PRKCA: variants seen among roughly 807,000 people sequenced by gnomAD.
PRKCA encodes the protein protein kinase C alpha, also known as protein kinase C alpha type.
PRKCA carries 27 observed loss-of-function variants against 87.0 expected under a neutral mutation model. That is an observed-to-expected ratio of 0.31 (90% confidence interval 0.23 to 0.43). The LOEUF (loss-of-function observed/expected upper bound fraction) is 0.43, where lower values mean the gene tolerates loss of function less well. Ranked by LOEUF, PRKCA falls within the 20% of genes least tolerant of loss-of-function variation. The pLI is 1.00. For synonymous variants in PRKCA, 329 were observed against 311.1 expected, an observed-to-expected ratio of 1.06 and a Z score of -0.61; for missense variants, 518 against 852.3, an observed-to-expected ratio of 0.61 and a Z score of 4.88.
At chr17:66,729,374 A>T (rs969127890) in intron 8 of PRKCA, among the ~76,000 whole-genome samples, 1 of 152,224 alleles carries the variant, frequency 6.6e-6, no homozygotes, top group South Asian at 2.1e-4. Flanking sequence ...ACTGCACTCC[A>T]GCCTGGGTGA....
chr17:66,355,165 T>A (rs562820611), intron 2 of PRKCA, among the ~76,000 whole-genome samples: 1 of 150,862 alleles, frequency 6.6e-6, no homozygotes, highest in East Asian at 1.9e-4. Context: ...ATTGAACACA[T>A]TTTTTTTTCT....
intron 5 of PRKCA, among the ~76,000 whole-genome samples, chr17:66,661,518 A>T (rs184431276): frequency 6.6e-6 from 1 of 152,300 alleles, no homozygotes; most frequent in African/African-American, 2.4e-5. Context: ...ACAGTGGCTG[A>T]GCTTATGTCC....
At chr17:66,535,553 G>A (rs1314667137) in intron 3 of PRKCA, among the ~76,000 whole-genome samples, 9 of 152,166 alleles carry the variant, frequency 5.9e-5, no homozygotes, top group Admixed American at 5.9e-4. Context: ...TGCTGGCCCA[G>A]CTTCCTTGGG....
At chr17:66,319,329 A>G (rs1905512810) in intron 2 of PRKCA, among the ~76,000 whole-genome samples, 1 of 152,234 alleles carries the variant, frequency 6.6e-6, no homozygotes, top group Non-Finnish European at 1.5e-5. Flanking sequence ...TGGAAAATAG[A>G]AAGCATTTGT....
intron 2 of PRKCA, 131 bp downstream of exon 2, chr17:66,306,258 T>C: frequency 1.0e-6 from 1 of 971,394 alleles, no homozygotes; most frequent in Non-Finnish European, 1.5e-6. Flanking sequence ...ATATGAGGGC[T>C]GTAAATTTGG....
chr17:66,360,921 A>T (rs1456457377), intron 2 of PRKCA, among the ~76,000 whole-genome samples: 1 of 152,060 alleles, frequency 6.6e-6, no homozygotes, highest in Non-Finnish European at 1.5e-5. Flanking sequence ...GGTTGAAGGA[A>T]TTTAAGAGTA....
intron 8 of PRKCA, among the ~76,000 whole-genome samples, chr17:66,714,287 T>G (rs1198600452): frequency 6.6e-6 from 1 of 151,104 alleles, no homozygotes; most frequent in Non-Finnish European, 1.5e-5. Flanking sequence ...CTGCCAGGCC[T>G]CATGCATGGG....
chr17:66,707,700 C>T (rs890863987), intron 8 of PRKCA, among the ~76,000 whole-genome samples: 2 of 152,172 alleles, frequency 1.3e-5, no homozygotes, highest in African/African-American at 4.8e-5. Flanking sequence ...CTCTTGGGAA[C>T]ATTGTGGAGT....
chr17:66,637,127 A>G (rs1179706836), intron 3 of PRKCA, among the ~76,000 whole-genome samples: 1 of 152,132 alleles, frequency 6.6e-6, no homozygotes. Flanking sequence ...AAGGTGCCAT[A>G]TGGCTGTTGC....
intron 5 of PRKCA, among the ~76,000 whole-genome samples, chr17:66,663,465 T>G (rs1279269933): frequency 6.6e-6 from 1 of 152,130 alleles, no homozygotes; most frequent in Non-Finnish European, 1.5e-5. Context: ...GAAGAGGAAA[T>G]AATCAGACCG....
intron 2 of PRKCA, among the ~76,000 whole-genome samples, chr17:66,314,624 G>A (rs190250517): frequency 2.0e-5 from 3 of 152,240 alleles, no homozygotes; most frequent in East Asian, 1.9e-4. Context: ...TCCCGTCCAC[G>A]GTGACTGCAG....
intron 2 of PRKCA, among the ~76,000 whole-genome samples, chr17:66,388,356 G>A (rs890051700): frequency 2.6e-5 from 4 of 151,500 alleles, no homozygotes; most frequent in African/African-American, 7.3e-5. Context: ...GTGTAATGGC[G>A]CCATCTCAGC....
chr17:66,754,197 T>C (rs1488419228), intron 13 of PRKCA, among the ~76,000 whole-genome samples: 2 of 152,012 alleles, frequency 1.3e-5, no homozygotes, highest in South Asian at 2.1e-4. Context: ...TATATTCATA[T>C]CTTTTTTCAT....
At chr17:66,629,863 C>T (rs1386570203) in intron 3 of PRKCA, among the ~76,000 whole-genome samples, 1 of 152,096 alleles carries the variant, frequency 6.6e-6, no homozygotes. Flanking sequence ...ACATACCCTC[C>T]TATACAATAA....
rs373599782 is a variant in PRKCA, at chr17:66,336,862, T to C, written c.205+30735T>C. Among the ~76,000 whole-genome samples the C allele has an allele frequency of 5.1e-3, 763 of 150,900 alleles. 5 individuals carry two copies. The highest frequency in any genetic ancestry group is 0.024 in the South Asian group (116 of 4,742). ...GGAGTGCAGTGGCGTGATCTCGGCT[T>C]ACTGCAACCTCTGCCTCCTGGGCTC... On this transcript the variant is annotated intron_variant, in intron 2 of 16. Coordinates refer to ENST00000413366, the MANE Select transcript of PRKCA (RefSeq NM_002737.3).
chr17:66,415,473 G>T (rs1359707485), intron 2 of PRKCA: 1 of 152,054 alleles, frequency 6.6e-6, no homozygotes. Context: ...TTAACTTTTG[G>T]CCCAAAGGTA....
chr17:66,740,256 G>A (rs1188840577), intron 11 of PRKCA, among the ~76,000 whole-genome samples: 1 of 152,082 alleles, frequency 6.6e-6, no homozygotes, highest in Non-Finnish European at 1.5e-5. Flanking sequence ...GGCTCCAGGT[G>A]AAGATGAGAG....
chr17:66,464,643 T>C (rs750169644), intron 2 of PRKCA, among the ~76,000 whole-genome samples: 2 of 152,364 alleles, frequency 1.3e-5, no homozygotes, highest in Non-Finnish European at 2.9e-5. Context: ...TCTTTTCACA[T>C]GCATATTTGC....
At chr17:66,625,441 A>G (rs1950803568) in intron 3 of PRKCA, among the ~76,000 whole-genome samples, 1 of 152,210 alleles carries the variant, frequency 6.6e-6, no homozygotes, top group South Asian at 2.1e-4. Context: ...TCTTGATGTC[A>G]TTCTATTCCC....
Sources: gnomAD v4.1 joint callset for allele counts (sites outside exome capture counted in the v4.1 genomes callset) on GRCh38, gnomAD v4.1.1 for gene constraint, MANE v1.5 for transcripts, NCBI Gene and HGNC (gene_info 2026-07-23, HGNC 2026-07-21) for gene names.